The following TFDP2 variants were observed in gnomAD, a reference collection of about 807,000 sequenced individuals.
TFDP2 encodes the protein transcription factor Dp-2.
A neutral mutation model predicts 59.3 loss-of-function variants in TFDP2; 17 were observed. The observed-to-expected ratio is 0.29, with a 90% confidence interval of 0.20 to 0.43. The LOEUF (loss-of-function observed/expected upper bound fraction) is 0.43. TFDP2 is among the 20% of genes least tolerant of loss of function. The pLI is 1.00. For missense variants in TFDP2, 391 were observed against 528.8 expected (o/e 0.74, Z 2.56); for synonymous variants, 180 against 194.7 (o/e 0.92, Z 0.63).
chr3:142,002,418 C>T (rs898824596), intron 4 of TFDP2, among the ~76,000 whole-genome samples: 1 of 147,742 alleles, frequency 6.8e-6, no homozygotes, highest in East Asian at 2.0e-4. Flanking sequence ...CTTGGCCTCA[C>T]AAAATGTTGG....
chr3:142,060,057 G>C lies in TFDP2; in HGVS notation c.82+33004C>G, dbSNP rs141510651. On this transcript the variant is annotated intron_variant, in intron 3 of 12. Transcript: ENST00000489671. The stretch of plus-strand genomic sequence containing the variant: ...TTAACTTTGCTTTTTATTTTAATGG[G>C]TACTTGAATAATTAGATTCTCCCAA... Among the ~76,000 whole-genome samples the C allele has an allele frequency of 2.4e-3, 368 of 151,994 alleles. 2 individuals are homozygous for C. The highest frequency in any genetic ancestry group is 8.4e-3 in the African/African-American group (349 of 41,450).
At position 142,103,899 on chromosome 3, in the gene TFDP2, G is replaced by GT. The variant is rs138358817; in HGVS notation, c.-92-2059dup. The stretch of plus-strand genomic sequence containing the variant: ...AAGAAAAGCAAGGTTTTTTTTTTCT[G>GT]TTTTTTTCATGTGCAGAACATGCAG... On this transcript the variant is annotated intron_variant, in intron 1 of 12. Transcript: ENST00000489671. Among the ~76,000 whole-genome samples, 860 of 150,772 alleles carry GT rather than the reference G, an allele frequency of 5.7e-3. 7 individuals carry two copies. Among genetic ancestry groups the GT allele is most frequent in the South Asian group, 0.023 (112 of 4,784 alleles).
At chr3:142,062,389 T>A (rs1262284029) in intron 3 of TFDP2, among the ~76,000 whole-genome samples, 4 of 71,284 alleles carry the variant, frequency 5.6e-5, no homozygotes, top group African/African-American at 1.2e-4. Context: ...ATATATATAT[T>A]ATATAATATA....
chr3:141,968,473 T>A lies in TFDP2; in HGVS notation c.732+1600A>T, dbSNP rs1185491678. Among the ~76,000 whole-genome samples the A allele has an allele frequency of 2.8e-5, 3 of 107,684 alleles. 1 individual carries two copies. The highest frequency in any genetic ancestry group is 1.3e-4 in the African/African-American group (3 of 23,452). 70.6% of individuals were successfully genotyped at this position (107,684 alleles called of 152,430 possible). A position where few individuals can be genotyped will look rare whatever the true frequency, so the allele number is the denominator to read the frequency against. ...TATATCTCATATATAGATATATATA[T>A]AACATATATATATCTCATATATAGA... On this transcript the variant is annotated intron_variant, in intron 9 of 12. Coordinates refer to ENST00000489671, the MANE Select transcript of TFDP2 (RefSeq NM_001178139.2).
chr3:141,965,544 G>C (rs1404439985), intron 9 of TFDP2, among the ~76,000 whole-genome samples: 1 of 145,170 alleles, frequency 6.9e-6, no homozygotes, highest in African/African-American at 2.6e-5. Flanking sequence ...GAGAAGGGAG[G>C]GGAAGGGGAA....
At chr3:141,968,971 CATAT>C (rs1371076310) in intron 9 of TFDP2, among the ~76,000 whole-genome samples, 2 of 92,330 alleles carry the variant, frequency 2.2e-5, no homozygotes, top group Non-Finnish European at 4.1e-5. Flanking sequence ...ATATATATCT[CATAT>C]ATATAGATAT....
chr3:142,078,324 G>A (rs1020215315), intron 3 of TFDP2, among the ~76,000 whole-genome samples: 2 of 152,152 alleles, frequency 1.3e-5, no homozygotes, highest in Non-Finnish European at 2.9e-5. Flanking sequence ...CCAGGGCCTT[G>A]AGCAAGACCC....
chr3:142,087,755 G>A (rs892336454), intron 3 of TFDP2, among the ~76,000 whole-genome samples: 1 of 152,098 alleles, frequency 6.6e-6, no homozygotes, highest in Non-Finnish European at 1.5e-5. Flanking sequence ...ACCCCCCTTG[G>A]CCTCCCAAAG....
At chr3:142,110,396 T>C (rs975895923) in intron 1 of TFDP2, among the ~76,000 whole-genome samples, 2 of 151,504 alleles carry the variant, frequency 1.3e-5, no homozygotes, top group Non-Finnish European at 2.9e-5. Context: ...CCCAGCTACT[T>C]GGGAGGCTGA....
intron 3 of TFDP2, among the ~76,000 whole-genome samples, chr3:142,042,552 C>T (rs1213841163): frequency 6.6e-6 from 1 of 151,752 alleles, no homozygotes; most frequent in East Asian, 1.9e-4. Flanking sequence ...CCTGCCTCAG[C>T]CTCCCAAAGT....
chr3:141,980,237 G>GT (rs1941327105), intron 6 of TFDP2, among the ~76,000 whole-genome samples: 1 of 107,090 alleles, frequency 9.3e-6, no homozygotes, highest in African/African-American at 3.5e-5. Context: ...AGTTTCAAAA[G>GT]TAAAAAAAAA....
intron 1 of TFDP2, among the ~76,000 whole-genome samples, chr3:142,107,117 C>G (rs2061498785): frequency 6.6e-6 from 1 of 152,118 alleles, no homozygotes; most frequent in Non-Finnish European, 1.5e-5. Context: ...AGCCATAATC[C>G]TACTTGTCAG....
chr3:142,046,990 C>T (rs1165827034), intron 3 of TFDP2, among the ~76,000 whole-genome samples: 1 of 152,158 alleles, frequency 6.6e-6, no homozygotes, highest in Non-Finnish European at 1.5e-5. Context: ...CTCATGTGCT[C>T]TTGCCCCCCT....
intron 1 of TFDP2, among the ~76,000 whole-genome samples, chr3:142,128,600 A>G (rs921828558): frequency 1.3e-5 from 2 of 152,138 alleles, no homozygotes; most frequent in African/African-American, 4.8e-5. Context: ...TCTAACATGA[A>G]ATAAAGAGGC....
chr3:141,964,205 TG>T (rs1454079197), intron 9 of TFDP2, among the ~76,000 whole-genome samples: 2 of 152,100 alleles, frequency 1.3e-5, no homozygotes, highest in Non-Finnish European at 1.5e-5. Flanking sequence ...AGTAGGCACC[TG>T]GAACTCTTCA....
chr3:142,086,495 A>G (rs757487056), intron 3 of TFDP2, among the ~76,000 whole-genome samples: 1 of 152,218 alleles, frequency 6.6e-6, no homozygotes, highest in Non-Finnish European at 1.5e-5. Flanking sequence ...GCAAAAGGGA[A>G]GCACTTTACT....
chr3:142,004,247 C>G (rs1247444797), intron 4 of TFDP2, among the ~76,000 whole-genome samples: 1 of 152,172 alleles, frequency 6.6e-6, no homozygotes, highest in Non-Finnish European at 1.5e-5. Flanking sequence ...AGATGATAAA[C>G]AGTCCTCAAC....
intron 6 of TFDP2, among the ~76,000 whole-genome samples, chr3:141,986,811 C>T (rs1043678617): frequency 6.6e-6 from 1 of 152,148 alleles, no homozygotes; most frequent in African/African-American, 2.4e-5. Flanking sequence ...AAACTTAGCA[C>T]TGTCTATCCT....
rs1936121960 is a variant in TFDP2, at chr3:141,953,112, G to A, written c.1052-96C>T. The A allele has an allele frequency of 4.9e-6, 4 of 819,984 alleles. No individual in the cohort carries two copies. In the Admixed American group the frequency reaches 6.7e-5, roughly 14 times the overall value. The allele number at this position is 819,984 out of a possible 1,614,324, so 50.8% of individuals were successfully genotyped here. On this transcript the variant is annotated intron_variant, in intron 11 of 12. Coordinates refer to ENST00000489671, the MANE Select transcript of TFDP2 (RefSeq NM_001178139.2). ...GAAAGCACAGAAAAGCAAGAGCTAA[G>A]CTTATTCTTCATGACAGCTAGACAA...
Sources: gnomAD v4.1 joint callset for allele counts (sites outside exome capture counted in the v4.1 genomes callset) on GRCh38, gnomAD v4.1.1 for gene constraint, MANE v1.5 for transcripts, NCBI Gene and HGNC (gene_info 2026-07-23, HGNC 2026-07-21) for gene names.